BRWD1: variants seen among roughly 807,000 people sequenced by gnomAD.
BRWD1 encodes the protein bromodomain and WD repeat-containing protein 1.
A neutral mutation model predicts 251.2 loss-of-function variants in BRWD1; 82 were observed. The ratio of observed to expected loss-of-function variants is 0.33; its 90% CI spans 0.27 to 0.39. The LOEUF (loss-of-function observed/expected upper bound fraction) is 0.39, where lower values mean the gene tolerates loss of function less well. Ranked by LOEUF, BRWD1 falls within the 10% of genes least tolerant of loss-of-function variation. The pLI is 1.00. For missense variants in BRWD1, 2,233 were observed against 2,711.6 expected (o/e 0.82, Z 3.92); for synonymous variants, 918 against 902.8 (o/e 1.02, Z -0.30).
intron 36 of BRWD1, among the ~76,000 whole-genome samples, chr21:39,208,295 C>G (rs1209081486): frequency 1.3e-5 from 2 of 152,052 alleles, no homozygotes; most frequent in Non-Finnish European, 2.9e-5. Flanking sequence ...AACAGTCTTA[C>G]AAATGGTGAC....
chr21:39,191,093 A>C lies in BRWD1; in HGVS notation c.*5166T>G. Reference sequence around the variant, plus strand: ...CTGCTTAATTTGCTTTTTAGAAGCAATACCTTAAGAGCATTTCACACTAAA... The same window carrying C: ...CTGCTTAATTTGCTTTTTAGAAGCACTACCTTAAGAGCATTTCACACTAAA... On this transcript the variant is annotated 3_prime_UTR_variant, in exon 41 of 41. Transcript: ENST00000342449. 1.0e-6 allele frequency: 1 copy of C among 985,372 alleles called. No homozygotes were observed. Among genetic ancestry groups the C allele is most frequent in the Non-Finnish European group, 1.2e-6 (1 of 829,886 alleles). The allele number at this position is 985,372 out of a possible 1,614,324, so 61.0% of individuals were successfully genotyped here.
rs377627685 is a variant in BRWD1 at position 39,294,780 on chromosome 21, A to G, written c.610-748T>C. On this transcript the variant is annotated intron_variant, in intron 7 of 40. Transcript: ENST00000342449. ...TAAGTGGCAATCCCAAAAACAAACA[A>G]AAGTGGTGGGAATAGCCTCCTCACG... Among the ~76,000 whole-genome samples, 9 of 152,308 alleles carry G rather than the reference A, an allele frequency of 5.9e-5. No homozygotes were observed. In the South Asian group the frequency reaches 8.3e-4, roughly 14 times the overall value.
chr21:39,206,397 C>T, intron 36 of BRWD1, 123 bp from the exon 37 acceptor site: 2 of 702,596 alleles, frequency 2.8e-6, no homozygotes, highest in Non-Finnish European at 4.4e-6. Context: ...TGGCTGTCAC[C>T]CACTTCTTCT....
At chr21:39,227,767 A>C (rs535507783) in intron 27 of BRWD1, among the ~76,000 whole-genome samples, 1 of 152,274 alleles carries the variant, frequency 6.6e-6, no homozygotes, top group Non-Finnish European at 1.5e-5. Flanking sequence ...ATACCAGAAC[A>C]TTTTCAGTGT....
At chr21:39,227,415 C>A (rs1350919910) in intron 27 of BRWD1, among the ~76,000 whole-genome samples, 1 of 152,028 alleles carries the variant, frequency 6.6e-6, no homozygotes. Context: ...GTTGCTATTA[C>A]TACCCAGCCT....
At chr21:39,215,554 T>C (rs893600607) in intron 31 of BRWD1, among the ~76,000 whole-genome samples, 192 bp from the exon 32 acceptor site, 9 of 152,228 alleles carry the variant, frequency 5.9e-5, no homozygotes, top group African/African-American at 2.2e-4. Flanking sequence ...GAAGCAATTA[T>C]ATTGAACTGA....
At chr21:39,312,993 G>T (rs1474999538) in intron 3 of BRWD1, 79 bp downstream of exon 3, 1 of 1,068,886 alleles carries the variant, frequency 9.4e-7, no homozygotes, top group Non-Finnish European at 1.2e-6. Flanking sequence ...GGCGGCGGGC[G>T]GGGGGCGCGG....
chr21:39,229,048 A>G (rs2033501026), intron 26 of BRWD1, among the ~76,000 whole-genome samples: 1 of 152,162 alleles, frequency 6.6e-6, no homozygotes, highest in South Asian at 2.1e-4. Flanking sequence ...TTTGGCCCGT[A>G]TGTCAGAATT....
At chr21:39,318,712 A>G (rs906226363), upstream of BRWD1, among the ~76,000 whole-genome samples, 1 of 152,154 alleles carries the variant, frequency 6.6e-6, no homozygotes, top group East Asian at 1.9e-4. Flanking sequence ...TGGTACAGTC[A>G]GAGCTCACTG....
chr21:39,314,782 G>A (rs1568990828), upstream of BRWD1: 1 of 172,400 alleles, frequency 5.8e-6, no homozygotes, highest in African/African-American at 2.4e-5. Flanking sequence ...TCTAGGGCAG[G>A]ACTCACTGCC....
intron 21 of BRWD1, among the ~76,000 whole-genome samples, chr21:39,245,371 T>C (rs2034149164): frequency 6.6e-6 from 1 of 152,186 alleles, no homozygotes; most frequent in Non-Finnish European, 1.5e-5. Context: ...CTGAGGTACA[T>C]GTTACCACGC....
At chr21:39,304,276 A>G (rs1899668795) in intron 4 of BRWD1, among the ~76,000 whole-genome samples, 1 of 151,942 alleles carries the variant, frequency 6.6e-6, no homozygotes, top group African/African-American at 2.4e-5. Flanking sequence ...AAAATGAGAT[A>G]AAGAACAGGT....
chr21:39,313,367 G>A (rs1038614732), intron 1 of BRWD1, 68 bp from the exon 2 acceptor site: 8 of 1,474,890 alleles, frequency 5.4e-6, no homozygotes, highest in East Asian at 2.8e-5. Flanking sequence ...CAGGGGAGCC[G>A]GGGGAGCCCG....
intron 12 of BRWD1, among the ~76,000 whole-genome samples, chr21:39,275,957 A>C (rs2035267349): frequency 2.6e-5 from 4 of 152,022 alleles, no homozygotes; most frequent in Admixed American, 2.6e-4. Context: ...ACTTGAACCC[A>C]AGAGGTGGAG....
intron 31 of BRWD1, chr21:39,217,609 C>A (rs7280149): frequency 0.92 from 142,958 of 154,706 alleles, 66,389 homozygotes; most frequent in African/African-American, 0.96. Flanking sequence ...AGCAGTAGCC[C>A]CCCTGTTAAA....
intron 8 of BRWD1, among the ~76,000 whole-genome samples, chr21:39,282,321 T>A (rs2035494970): frequency 6.6e-6 from 1 of 152,000 alleles, no homozygotes; most frequent in African/African-American, 2.4e-5. Context: ...AATAGTGCCA[T>A]TAACAGAAAG....
In BRWD1 at chr21:39,195,247, A is replaced by G; in HGVS notation, c.*1012T>C. ...GAATGACATTTAGCTATTTTCCTAT[A>G]TAGATAAGATTTGCAATTGTACTCT... On this transcript the variant is annotated 3_prime_UTR_variant, in exon 41 of 41. Transcript: ENST00000342449. The G allele has an allele frequency of 2.9e-6, 3 of 1,023,946 alleles. No homozygotes were observed. The highest frequency in any genetic ancestry group is 3.5e-6 in the Non-Finnish European group (3 of 854,358). 63.4% of individuals were successfully genotyped at this position (1,023,946 alleles called of 1,614,324 possible).
intron 8 of BRWD1, among the ~76,000 whole-genome samples, chr21:39,281,607 A>G (rs1438269911): frequency 6.6e-6 from 1 of 152,230 alleles, no homozygotes; most frequent in Non-Finnish European, 1.5e-5. Context: ...AGGCAGGCAG[A>G]TCACTTGAGG....
At chr21:39,267,120 C>T (rs80274431) in intron 15 of BRWD1, among the ~76,000 whole-genome samples, 2,320 of 152,264 alleles carry the variant, frequency 0.015, 58 homozygotes, top group African/African-American at 0.053. Context: ...TTTGAATACA[C>T]AGAAACGCAG....
Sources: allele counts gnomAD v4.1 joint callset (sites outside exome capture counted in the v4.1 genomes callset), GRCh38; gene constraint gnomAD v4.1.1; transcripts MANE v1.5; gene names NCBI Gene and HGNC (gene_info 2026-07-23, HGNC 2026-07-21).